Variants in MAGI2 observed in about 807,000 individuals in gnomAD.
MAGI2 encodes membrane-associated guanylate kinase, WW and PDZ domain-containing protein 2.
A neutral mutation model predicts 133.3 loss-of-function variants in MAGI2; 35 were observed. That is an observed-to-expected ratio of 0.26 (90% confidence interval 0.20 to 0.35). The LOEUF (loss-of-function observed/expected upper bound fraction) is 0.35, where lower values mean the gene tolerates loss of function less well. Among genes scored for constraint, MAGI2 ranks in the 10% least tolerant of loss-of-function variants. The pLI is 1.00. For synonymous variants in MAGI2, 729 were observed against 710.6 expected (o/e 1.03, Z -0.41); for missense variants, 1,636 against 1,863.4 (o/e 0.88, Z 2.25).
chr7:78,417,100 A>G (rs71573382), intron 6 of MAGI2, among the ~76,000 whole-genome samples: 1 of 152,158 alleles, frequency 6.6e-6, no homozygotes, highest in African/African-American at 2.4e-5. Flanking sequence ...CAGGAAGTAT[A>G]AATCCATTCT....
At chr7:78,579,390 A>T (rs1314110100) in intron 3 of MAGI2, among the ~76,000 whole-genome samples, 6 of 152,184 alleles carry the variant, frequency 3.9e-5, no homozygotes, top group Admixed American at 3.3e-4. Flanking sequence ...AGCTGAAGAC[A>T]AACAAGAAGC....
intron 6 of MAGI2, among the ~76,000 whole-genome samples, chr7:78,401,236 A>G (rs1796832951): frequency 6.6e-6 from 1 of 152,176 alleles, no homozygotes; most frequent in Non-Finnish European, 1.5e-5. Context: ...CATGAGGAAA[A>G]CAAAATGGAA....
intron 2 of MAGI2, among the ~76,000 whole-genome samples, chr7:79,004,885 C>A (rs1442959634): frequency 2.0e-5 from 3 of 151,990 alleles, no homozygotes; most frequent in African/African-American, 7.2e-5. Context: ...GAGCTTGAGA[C>A]CAGCCTGACC....
intron 2 of MAGI2, among the ~76,000 whole-genome samples, chr7:78,665,041 C>A (rs951748546): frequency 3.3e-5 from 5 of 151,930 alleles, no homozygotes; most frequent in Admixed American, 6.6e-5. Flanking sequence ...CTAATATATT[C>A]TACTTTACTT....
chr7:78,567,685 C>T (rs768372834), intron 3 of MAGI2, among the ~76,000 whole-genome samples: 61 of 152,242 alleles, frequency 4.0e-4, no homozygotes, highest in Middle Eastern at 3.4e-3. Context: ...TCCCCTGCAT[C>T]GCCAGTTTTC....
chr7:78,758,287 T>C (rs922726443), intron 2 of MAGI2, among the ~76,000 whole-genome samples: 4 of 152,262 alleles, frequency 2.6e-5, no homozygotes, highest in East Asian at 3.9e-4. Context: ...TTTTATTATA[T>C]ATCCCAAGCA....
intron 1 of MAGI2, among the ~76,000 whole-genome samples, chr7:79,267,744 T>C (rs1414167448): frequency 6.6e-6 from 1 of 152,140 alleles, no homozygotes; most frequent in East Asian, 1.9e-4. Context: ...GTTATTAATG[T>C]GCGTAAGCAT....
At chr7:78,045,523 T>G (rs922476214) in intron 21 of MAGI2, among the ~76,000 whole-genome samples, 1 of 152,204 alleles carries the variant, frequency 6.6e-6, no homozygotes, top group African/African-American at 2.4e-5. Context: ...AGCACTTTAA[T>G]AGAATTACAT....
chr7:79,360,567 T>A (rs976272033), intron 1 of MAGI2, among the ~76,000 whole-genome samples: 4 of 151,894 alleles, frequency 2.6e-5, no homozygotes, highest in Admixed American at 1.3e-4. Context: ...ACAACAATAT[T>A]TAAAAGCGGG....
Position 78,201,204 on chromosome 7 carries a change from G to A in MAGI2, c.2048-11C>T. 1.4e-6 allele frequency: 2 copies of A among 1,434,954 alleles called. No homozygotes were observed. The highest frequency in any genetic ancestry group is 1.9e-6 in the Non-Finnish European group (2 of 1,077,468). The allele number at this position is 1,434,954 out of a possible 1,614,324, so 88.9% of individuals were successfully genotyped here. A position where few individuals can be genotyped will look rare whatever the true frequency, so the allele number is the denominator to read the frequency against. On this transcript the variant is annotated splice_polypyrimidine_tract_variant and intron_variant, in intron 10 of 21. Coordinates refer to ENST00000354212, the MANE Select transcript of MAGI2 (RefSeq NM_012301.4). The stretch of plus-strand genomic sequence containing the variant: ...ATGGAGAAAAGAAACCTGTAATAAA[G>A]AAAACAATATTTGAACTTTGAAAAT...
At chr7:78,927,337 G>C (rs1799785013) in intron 2 of MAGI2, among the ~76,000 whole-genome samples, 1 of 151,902 alleles carries the variant, frequency 6.6e-6, no homozygotes, top group Non-Finnish European at 1.5e-5. Context: ...TTTATTTCCA[G>C]TTCCATGGAA....
intron 3 of MAGI2, among the ~76,000 whole-genome samples, chr7:78,524,801 C>A (rs1261691132): frequency 1.3e-5 from 2 of 152,142 alleles, no homozygotes; most frequent in South Asian, 2.1e-4. Context: ...TCTATGGAAT[C>A]TCAACACATA....
chr7:79,254,250 T>G (rs991645301), intron 1 of MAGI2, among the ~76,000 whole-genome samples: 1 of 152,192 alleles, frequency 6.6e-6, no homozygotes, highest in Non-Finnish European at 1.5e-5. Context: ...CTTGTAAGAA[T>G]TCTCTGTATA....
At chr7:78,927,151 T>C (rs550996777) in intron 2 of MAGI2, among the ~76,000 whole-genome samples, 9 of 152,104 alleles carry the variant, frequency 5.9e-5, no homozygotes, top group African/African-American at 1.7e-4. Flanking sequence ...GAGACTGAAG[T>C]TGGGCATCAG....
At chr7:78,035,746 G>GT (rs397764424) in intron 21 of MAGI2, among the ~76,000 whole-genome samples, 54,780 of 140,854 alleles carry the variant, frequency 0.39, 10,493 homozygotes, top group African/African-American at 0.42. Flanking sequence ...TGGCCTGAAT[G>GT]TTTTTTTTTT....
chr7:79,214,727 A>G (rs1161398171), intron 1 of MAGI2, among the ~76,000 whole-genome samples: 3 of 138,486 alleles, frequency 2.2e-5, no homozygotes, highest in Non-Finnish European at 4.6e-5. Context: ...AAATATATAA[A>G]TATATAAATA....
At chr7:78,488,355 T>C (rs773684693) in intron 6 of MAGI2, among the ~76,000 whole-genome samples, 4 of 152,066 alleles carry the variant, frequency 2.6e-5, no homozygotes, top group Non-Finnish European at 4.4e-5. Flanking sequence ...TTGACTTTAA[T>C]AGCTTTTTAT....
intron 3 of MAGI2, among the ~76,000 whole-genome samples, chr7:78,612,452 TA>T (rs1806552858): frequency 6.6e-6 from 1 of 152,066 alleles, no homozygotes; most frequent in Admixed American, 6.5e-5. Context: ...ATAAATAAAG[TA>T]AAATTTTAAA....
intron 9 of MAGI2, among the ~76,000 whole-genome samples, chr7:78,277,744 A>T (rs1420014070): frequency 6.6e-6 from 1 of 152,156 alleles, no homozygotes; most frequent in Non-Finnish European, 1.5e-5. Flanking sequence ...AAGTGGGTAT[A>T]CCCCAGGAAT....
Sources: allele counts gnomAD v4.1 joint callset (sites outside exome capture counted in the v4.1 genomes callset), GRCh38; gene constraint gnomAD v4.1.1; transcripts MANE v1.5; gene names NCBI Gene and HGNC (gene_info 2026-07-23, HGNC 2026-07-21).